RNF2: variants seen among roughly 807,000 people sequenced by gnomAD.
The protein encoded by RNF2 is ring finger protein 2.
RNF2 carries 6 observed loss-of-function variants against 37.2 expected under a neutral mutation model. That is an observed-to-expected ratio of 0.16 (90% CI 0.09 to 0.32). The LOEUF (loss-of-function observed/expected upper bound fraction) is 0.32. Among genes scored for constraint, RNF2 ranks in the 10% least tolerant of loss-of-function variants. RNF2 has a pLI of 1.00. For missense variants in RNF2, 251 were observed against 404.0 expected, an observed-to-expected ratio of 0.62 and a Z score of 3.25; for synonymous variants, 133 against 132.7, an observed-to-expected ratio of 1.00 and a Z score of -0.02.
At chr1:185,073,932 C>T (rs1213121012) in intron 1 of RNF2, among the ~76,000 whole-genome samples, 1 of 152,148 alleles carries the variant, frequency 6.6e-6, no homozygotes, top group Non-Finnish European at 1.5e-5. Context: ...GGGATCAGTC[C>T]CACAAGAGAC....
At chr1:185,088,436 G>T (rs1651665964) in intron 2 of RNF2, among the ~76,000 whole-genome samples, 1 of 151,986 alleles carries the variant, frequency 6.6e-6, no homozygotes, top group Non-Finnish European at 1.5e-5. Flanking sequence ...CGTGCCTGTA[G>T]TTGCAGCTAC....
At chr1:185,069,112 TGTTA>T (rs911322949) in intron 1 of RNF2, among the ~76,000 whole-genome samples, 112 of 152,216 alleles carry the variant, frequency 7.4e-4, no homozygotes, top group African/African-American at 2.7e-3. Context: ...CTCTTTTGCC[TGTTA>T]ATGTGCTATT....
chr1:185,059,284 C>T (rs1451045998), intron 1 of RNF2, among the ~76,000 whole-genome samples: 1 of 151,164 alleles, frequency 6.6e-6, no homozygotes, highest in African/African-American at 2.4e-5. Context: ...AAAAGAAAAT[C>T]TACCTATGTG....
chr1:185,082,195 C>G (rs1417123859), intron 1 of RNF2, among the ~76,000 whole-genome samples: 2 of 152,084 alleles, frequency 1.3e-5, no homozygotes, highest in African/African-American at 4.8e-5. Context: ...ATGCTACAAC[C>G]ATAGAATGGT....
chr1:185,087,415 C>G, intron 1 of RNF2, 137 bp from the exon 2 acceptor site: 1 of 681,144 alleles, frequency 1.5e-6, no homozygotes, highest in South Asian at 1.8e-5. Context: ...CTGATCACCT[C>G]CCAAAGTCCC....
In RNF2 at chr1:185,091,713, C is replaced by T; in HGVS notation, c.222C>T (p.Asp74=). The T allele has an allele frequency of 6.2e-7, 1 of 1,614,082 alleles. No homozygotes were observed. Among genetic ancestry groups the T allele is most frequent in the Non-Finnish European group, 8.5e-7 (1 of 1,179,988 alleles). ...AGTGTTTACATCGTTTTTGTGCAGA[C>T]TGCATCATCACAGCCCTTAGAAGTG... ...TKECLHRFCA[D]CIITALRSGN... Residue 74 remains aspartate (D), a synonymous_variant, in exon 3 of 7, where the codon GAC becomes GAT. Coordinates refer to ENST00000367510, the MANE Select transcript of RNF2 (RefSeq NM_007212.4).
intron 1 of RNF2, among the ~76,000 whole-genome samples, chr1:185,058,334 C>G (rs949366761): frequency 6.6e-6 from 1 of 152,046 alleles, no homozygotes; most frequent in African/African-American, 2.4e-5. Flanking sequence ...GGGGTATCTT[C>G]AGAACCCCAT....
At position 185,100,312 on chromosome 1, in the gene RNF2, AC is replaced by A; in HGVS notation, c.*13del. ...AAGGAGCACAAATGAGCCTTTAAAA[AC>A]CAATTCTGAGACTGAACTTTTTTAT... On this transcript the variant is annotated 3_prime_UTR_variant, in exon 7 of 7. Transcript: ENST00000367510. 6.3e-7 allele frequency: 1 copy of A among 1,578,334 alleles called. No individual in the cohort carries two copies. The highest frequency in any genetic ancestry group is 1.4e-5 in the African/African-American group (1 of 73,356).
At chr1:185,069,311 A>G (rs1014352003) in intron 1 of RNF2, among the ~76,000 whole-genome samples, 3 of 151,898 alleles carry the variant, frequency 2.0e-5, no homozygotes, top group East Asian at 3.9e-4. Context: ...ACAAAAACCA[A>G]CTTGGCATGG....
intron 2 of RNF2, among the ~76,000 whole-genome samples, chr1:185,089,908 G>A (rs1270303557): frequency 1.3e-5 from 2 of 151,858 alleles, no homozygotes; most frequent in Admixed American, 1.3e-4. Context: ...GTGCACACCT[G>A]TAATCCCAGC....
At chr1:185,082,077 G>A (rs1004131058) in intron 1 of RNF2, among the ~76,000 whole-genome samples, 10 of 152,134 alleles carry the variant, frequency 6.6e-5, no homozygotes, top group Admixed American at 6.5e-4. Context: ...CATTGTTGTT[G>A]CATAGAATAA....
intron 1 of RNF2, among the ~76,000 whole-genome samples, chr1:185,068,521 T>C (rs1395765639): frequency 1.3e-5 from 2 of 152,076 alleles, no homozygotes; most frequent in South Asian, 2.1e-4. Flanking sequence ...CAGAGGCAGA[T>C]TGGAGTGATA....
Position 185,101,430 on chromosome 1 carries a change from G to A in RNF2, c.*1129G>A, listed in dbSNP as rs1022787794. 6.6e-6 allele frequency: 1 copy of A among 152,550 alleles called. No homozygotes were observed. The highest frequency in any genetic ancestry group is 2.4e-5 in the African/African-American group (1 of 41,432). 9.4% of individuals were successfully genotyped at this position (152,550 alleles called of 1,614,324 possible). On this transcript the variant is annotated 3_prime_UTR_variant, in exon 7 of 7. Coordinates refer to ENST00000367510, the MANE Select transcript of RNF2 (RefSeq NM_007212.4). Reference sequence around the variant, plus strand: ...TAATTCTGTAGAAAAACGTCAGCCAGTAGGGTAAAGTCATTCTACTGTTCT... The same window carrying A: ...TAATTCTGTAGAAAAACGTCAGCCAATAGGGTAAAGTCATTCTACTGTTCT...
At chr1:185,063,965 T>A (rs911467894) in intron 1 of RNF2, among the ~76,000 whole-genome samples, 2 of 152,178 alleles carry the variant, frequency 1.3e-5, no homozygotes, top group Non-Finnish European at 2.9e-5. Flanking sequence ...TCCAGGATAA[T>A]CTCCCCATCT....
rs1173750596 is a variant in RNF2, at chr1:185,082,364, T to TTTTTTTTTG, written c.-2-5185_-2-5184insTTTTTGTTT. On this transcript the variant is annotated intron_variant, in intron 1 of 6. Coordinates refer to ENST00000367510, the MANE Select transcript of RNF2 (RefSeq NM_007212.4). ...GCAGAACTTTTTTTTTTTTTTTTTT[T>TTTTTTTTTG]TTTGAAGACAGAGTCTTGCTCTGTT... 2.6e-5 allele frequency among the ~76,000 whole-genome samples: 3 copies of TTTTTTTTTG among 114,890 alleles called. No homozygotes were observed. In the Admixed American group the frequency reaches 2.6e-4, roughly 10 times the overall value. 75.4% of individuals were successfully genotyped at this position (114,890 alleles called of 152,430 possible). A position where few individuals can be genotyped will look rare whatever the true frequency, so the allele number is the denominator to read the frequency against.
chr1:185,090,302 A>G (rs945384272), intron 2 of RNF2, among the ~76,000 whole-genome samples: 6 of 152,158 alleles, frequency 3.9e-5, no homozygotes, highest in African/African-American at 1.4e-4. Flanking sequence ...GCACAGGTAC[A>G]GCCCTGGAGG....
chr1:185,048,480 C>T (rs751061208), intron 1 of RNF2, among the ~76,000 whole-genome samples: 1 of 151,996 alleles, frequency 6.6e-6, no homozygotes, highest in Non-Finnish European at 1.5e-5. Context: ...ACATGTTTGC[C>T]ATTTATCATA....
At chr1:185,060,042 C>G (rs1650553724) in intron 1 of RNF2, among the ~76,000 whole-genome samples, 1 of 152,172 alleles carries the variant, frequency 6.6e-6, no homozygotes, top group African/African-American at 2.4e-5. Context: ...TTGCCACTTG[C>G]TAAAGCTAAC....
intron 1 of RNF2, among the ~76,000 whole-genome samples, chr1:185,056,878 GA>G (rs1205314830): frequency 1.3e-5 from 2 of 151,956 alleles, no homozygotes. Context: ...GAAGAAGTAG[GA>G]AAAAATGCTT....
Sources: allele counts gnomAD v4.1 joint callset (sites outside exome capture counted in the v4.1 genomes callset), GRCh38; gene constraint gnomAD v4.1.1; transcripts MANE v1.5; gene names NCBI Gene and HGNC (gene_info 2026-07-23, HGNC 2026-07-21).